Variants in ASTN2 observed in about 807,000 individuals in gnomAD.
ASTN2 encodes the protein astrotactin 2, also known as astrotactin-2.
ASTN2 carries 54 observed loss-of-function variants against 139.8 expected under a neutral mutation model. That is an observed-to-expected ratio of 0.39 (90% CI 0.31 to 0.48). The LOEUF is 0.48. Ranked by LOEUF, ASTN2 falls within the 20% of genes least tolerant of loss-of-function variation. The pLI is 0.95. For synonymous variants in ASTN2, 756 were observed against 719.5 expected (o/e 1.05, Z -0.81); for missense variants, 1,565 against 1,725.1 (o/e 0.91, Z 1.64).
chr9:117,258,665 T>C (rs1339285100), intron 2 of ASTN2, among the ~76,000 whole-genome samples: 1 of 152,150 alleles, frequency 6.6e-6, no homozygotes, highest in Admixed American at 6.5e-5. Context: ...TTCTTTAGCC[T>C]TACCACCCAC....
chr9:116,792,951 G>T (rs542274493), intron 13 of ASTN2, among the ~76,000 whole-genome samples: 2 of 152,212 alleles, frequency 1.3e-5, no homozygotes, highest in East Asian at 1.9e-4. Flanking sequence ...GACTACTGAG[G>T]GGGGAAGGAG....
At chr9:116,929,361 T>C (rs12551186) in intron 10 of ASTN2, among the ~76,000 whole-genome samples, 66,028 of 152,104 alleles carry the variant, frequency 0.43, 17,142 homozygotes, top group Non-Finnish European at 0.58. Context: ...CTAGCTACAA[T>C]GCATTCCTTT....
intron 2 of ASTN2, among the ~76,000 whole-genome samples, chr9:117,271,436 T>C (rs570391606): frequency 2.0e-5 from 3 of 152,242 alleles, no homozygotes; most frequent in East Asian, 3.9e-4. Flanking sequence ...CCAAACCATA[T>C]CATTCCGCCC....
intron 7 of ASTN2, among the ~76,000 whole-genome samples, chr9:116,999,267 T>C (rs971952671): frequency 7.9e-5 from 12 of 152,198 alleles, no homozygotes; most frequent in Non-Finnish European, 1.5e-4. Flanking sequence ...GACTTTTAAT[T>C]TGTATCTTGC....
chr9:116,501,895 T>C (rs1027955932), intron 19 of ASTN2, among the ~76,000 whole-genome samples: 7 of 149,620 alleles, frequency 4.7e-5, no homozygotes, highest in Non-Finnish European at 1.0e-4. Flanking sequence ...AATGAGGTCC[T>C]GAGCCCATCC....
At chr9:116,829,880 A>T (rs1174867719) in intron 11 of ASTN2, among the ~76,000 whole-genome samples, 1 of 152,198 alleles carries the variant, frequency 6.6e-6, no homozygotes, top group African/African-American at 2.4e-5. Flanking sequence ...ATTTTTTAAA[A>T]ACCTCAAAAT....
chr9:116,983,566 T>C lies in ASTN2; in HGVS notation c.1592-6781A>G, dbSNP rs10983443. On this transcript the variant is annotated intron_variant, in intron 7 of 22. Transcript: ENST00000313400. Reference sequence around the variant, plus strand: ...TAACAAGGACAGCTGCCTTTGACAATGATCATGTGTGAGACACTGAGGGTC... The same window carrying C: ...TAACAAGGACAGCTGCCTTTGACAACGATCATGTGTGAGACACTGAGGGTC... Among the ~76,000 whole-genome samples, 19 of 152,316 alleles carry C rather than the reference T, an allele frequency of 1.2e-4. No individual in the cohort carries two copies. The East Asian group carries it at 3.1e-3, about 25-fold the overall frequency.
At chr9:116,669,504 T>C (rs1859064151) in intron 16 of ASTN2, among the ~76,000 whole-genome samples, 1 of 152,252 alleles carries the variant, frequency 6.6e-6, no homozygotes, top group African/African-American at 2.4e-5. Context: ...CCTGTGGCTC[T>C]GAATCATTGT....
At chr9:117,308,726 G>A (rs1827860098) in intron 1 of ASTN2, among the ~76,000 whole-genome samples, 1 of 152,082 alleles carries the variant, frequency 6.6e-6, no homozygotes, top group Non-Finnish European at 1.5e-5. Flanking sequence ...GGAGAAAAAG[G>A]AGAGGGAGAG....
rs1354446166 is a variant in ASTN2 at position 117,008,222 on chromosome 9, G to A, written c.1461C>T (p.Asp487=). 12 of 1,608,788 alleles carry A rather than the reference G, an allele frequency of 7.5e-6. No individual in the cohort carries two copies. Among genetic ancestry groups the A allele is most frequent in the Admixed American group, 5.1e-5 (3 of 59,092 alleles). Residue 487 remains aspartate (D), a synonymous_variant, in exon 7 of 23, where the codon GAC becomes GAT. Transcript: ENST00000313400. ...TGGCCGGGTTTAACCAGTCGGAGATGTCCAGGTAGCTCCCTTCACTCACCA... is the reference window on the plus strand; with the variant it reads ...TGGCCGGGTTTAACCAGTCGGAGATATCCAGGTAGCTCCCTTCACTCACCA... The part of the protein sequence containing the change: ...SFVVSEGSYL[D]ISDWLNPAKL...
At chr9:116,960,199 A>G (rs1448274466) in intron 10 of ASTN2, among the ~76,000 whole-genome samples, 2 of 152,070 alleles carry the variant, frequency 1.3e-5, no homozygotes, top group Non-Finnish European at 2.9e-5. Flanking sequence ...TCGCTGGACC[A>G]TCTAAGCCAG....
intron 5 of ASTN2, among the ~76,000 whole-genome samples, chr9:117,050,536 T>C (rs1236362311): frequency 6.6e-6 from 1 of 152,090 alleles, no homozygotes; most frequent in East Asian, 1.9e-4. Flanking sequence ...AAGCCCACCG[T>C]AAGCACCAGG....
intron 2 of ASTN2, among the ~76,000 whole-genome samples, chr9:117,256,192 C>T (rs979178306): frequency 4.1e-4 from 62 of 152,134 alleles, no homozygotes; most frequent in Non-Finnish European, 4.6e-4. Context: ...TTCAGCCTCA[C>T]CCAGGACTCG....
intron 16 of ASTN2, chr9:116,687,011 G>C: frequency 1.4e-6 from 2 of 1,402,646 alleles, no homozygotes; most frequent in Non-Finnish European, 1.9e-6. Flanking sequence ...TTTTGTGAAG[G>C]GGTAGACATT....
intron 20 of ASTN2, among the ~76,000 whole-genome samples, chr9:116,459,443 CAAAG>C (rs1483474808): frequency 1.2e-4 from 18 of 151,886 alleles, no homozygotes; most frequent in Admixed American, 1.2e-3. Flanking sequence ...TTTTGTGCCT[CAAAG>C]AACACTATCA....
rs1317951023 is a variant in ASTN2, at chr9:116,729,013, T to C, written c.2605A>G (p.Ser869Gly). 1 of 1,585,578 alleles carries C rather than the reference T, an allele frequency of 6.3e-7. No homozygotes were observed. Among genetic ancestry groups the C allele is most frequent in the Non-Finnish European group, 8.6e-7 (1 of 1,164,738 alleles). Reference sequence around the variant, plus strand: ...TCACCTGCTGCGAGGGTGATGGTGCTGAGCTTCACACGGTAGAGGTTGCTC... The same window carrying C: ...TCACCTGCTGCGAGGGTGATGGTGCCGAGCTTCACACGGTAGAGGTTGCTC... The part of the protein sequence containing the change: ...VRSNLYRVKL[S>G]TITLAAGFTN... Residue 869 changes from serine (S) to glycine (G), a missense_variant, in exon 15 of 23, where the codon AGC becomes GGC. Ser to Gly is a moderately conservative substitution (Grantham distance 56). This residue lies in a region of ASTN2 where 503 missense variants were observed against 591.7 expected (regional missense o/e 0.85). Transcript: ENST00000313400.
At chr9:117,155,310 G>A (rs1830409268) in intron 3 of ASTN2, among the ~76,000 whole-genome samples, 1 of 152,006 alleles carries the variant, frequency 6.6e-6, no homozygotes. Context: ...GAGAGGACAG[G>A]AAATCATGTC....
At chr9:116,689,310 G>A (rs145003353) in intron 16 of ASTN2, among the ~76,000 whole-genome samples, 50 of 152,260 alleles carry the variant, frequency 3.3e-4, no homozygotes, top group Non-Finnish European at 4.6e-4. Context: ...TCTGTAAAAT[G>A]GGGTTATGAT....
chr9:117,036,573 A>G (rs1838390170), intron 6 of ASTN2, among the ~76,000 whole-genome samples: 2 of 152,126 alleles, frequency 1.3e-5, no homozygotes, highest in Admixed American at 1.3e-4. Context: ...GCTTATACAC[A>G]TTGGGAAGGA....
Sources: allele counts gnomAD v4.1 joint callset (sites outside exome capture counted in the v4.1 genomes callset), GRCh38; gene constraint gnomAD v4.1.1; regional missense constraint gnomAD v4.1.1; transcripts MANE v1.5; gene names NCBI Gene and HGNC (gene_info 2026-07-23, HGNC 2026-07-21).